Variants in RPS6KC1 observed in about 807,000 individuals in gnomAD.
The protein encoded by RPS6KC1 is inactive ribosomal protein S6 kinase delta-1.
In RPS6KC1, 54 loss-of-function variants were observed where a neutral mutation model predicts 103.8. The ratio of observed to expected loss-of-function variants is 0.52; its 90% CI spans 0.42 to 0.65. The LOEUF (loss-of-function observed/expected upper bound fraction) is 0.65, where lower values mean the gene tolerates loss of function less well. Ranked by LOEUF, RPS6KC1 falls within the 30% of genes least tolerant of loss-of-function variation. RPS6KC1 has a pLI of 0.00. For missense variants in RPS6KC1, 1,151 were observed against 1,253.8 expected (o/e 0.92, Z 1.24); for synonymous variants, 439 against 438.7 (o/e 1.00, Z -0.01).
At chr1:213,714,149 G>A in the RPS6KC1 span, among the ~76,000 whole-genome samples, 1 of 152,080 alleles carries the variant, frequency 6.6e-6, no homozygotes, top group Non-Finnish European at 1.5e-5. Flanking sequence ...TTAATTTCTT[G>A]TGCCTCAATA....
At chr1:213,171,536 G>A (rs1196408306) in intron 7 of RPS6KC1, among the ~76,000 whole-genome samples, 5 of 152,066 alleles carry the variant, frequency 3.3e-5, no homozygotes, top group Admixed American at 1.3e-4. Context: ...TAAAATATTT[G>A]TGTAGTTTCT....
the RPS6KC1 span, among the ~76,000 whole-genome samples, chr1:213,411,360 G>A: frequency 6.6e-6 from 1 of 152,218 alleles, no homozygotes. Flanking sequence ...AAGCCCTTGG[G>A]AGGTGATGTC....
chr1:213,296,028 A>C, the RPS6KC1 span, among the ~76,000 whole-genome samples: 2 of 151,380 alleles, frequency 1.3e-5, no homozygotes, highest in African/African-American at 4.8e-5. Context: ...TTATACCAGT[A>C]AAAAAAATGC....
the RPS6KC1 span, among the ~76,000 whole-genome samples, chr1:213,312,867 C>T: frequency 1.9e-4 from 29 of 152,284 alleles, no homozygotes; most frequent in Admixed American, 5.2e-4. Context: ...ATTTTCAAGT[C>T]GCTGTTTTTA....
chr1:213,229,060 C>T (rs1462613540), intron 8 of RPS6KC1, among the ~76,000 whole-genome samples: 1 of 152,032 alleles, frequency 6.6e-6, no homozygotes, highest in Non-Finnish European at 1.5e-5. Context: ...GGTCTTAGTA[C>T]TATAGGAGGA....
chr1:213,617,489 C>A, the RPS6KC1 span, among the ~76,000 whole-genome samples: 1 of 152,162 alleles, frequency 6.6e-6, no homozygotes, highest in Non-Finnish European at 1.5e-5. Context: ...ATTATGCTAC[C>A]TATGTGCTGC....
intron 12 of RPS6KC1, among the ~76,000 whole-genome samples, chr1:213,248,871 A>T (rs2149001300): frequency 6.6e-6 from 1 of 152,354 alleles, no homozygotes; most frequent in South Asian, 2.1e-4. Flanking sequence ...ACACATTAGC[A>T]CATCCCAAGA....
At chr1:213,620,330 G>A in the RPS6KC1 span, among the ~76,000 whole-genome samples, 1 of 152,244 alleles carries the variant, frequency 6.6e-6, no homozygotes, top group African/African-American at 2.4e-5. Flanking sequence ...AAAGTGGCTT[G>A]ACTCACATAT....
the RPS6KC1 span, among the ~76,000 whole-genome samples, chr1:213,716,915 T>C: frequency 6.6e-6 from 1 of 152,212 alleles, no homozygotes; most frequent in Non-Finnish European, 1.5e-5. Flanking sequence ...AGAAAACCGA[T>C]GCAAACTAGA....
At chr1:213,478,464 C>A in the RPS6KC1 span, among the ~76,000 whole-genome samples, 1 of 152,134 alleles carries the variant, frequency 6.6e-6, no homozygotes, top group Non-Finnish European at 1.5e-5. Flanking sequence ...GCTGACTGTA[C>A]CATTTGCATT....
chr1:213,153,046 T>C (rs1025865596), intron 6 of RPS6KC1, among the ~76,000 whole-genome samples: 2 of 152,238 alleles, frequency 1.3e-5, no homozygotes, highest in Admixed American at 1.3e-4. Context: ...GAGACCGGCC[T>C]GGCCAACACA....
intron 8 of RPS6KC1, among the ~76,000 whole-genome samples, chr1:213,190,788 A>C (rs1167762383): frequency 4.6e-5 from 7 of 152,124 alleles, no homozygotes; most frequent in Non-Finnish European, 1.0e-4. Context: ...TGAGGGATTA[A>C]AGTCTTTAAT....
the RPS6KC1 span, among the ~76,000 whole-genome samples, chr1:213,343,352 C>A: frequency 1.1e-5 from 1 of 91,596 alleles, no homozygotes; most frequent in Non-Finnish European, 2.3e-5. Flanking sequence ...ATAATGAAGG[C>A]TGAAGAGAGG....
At chr1:213,168,696 C>T (rs902647560) in intron 7 of RPS6KC1, among the ~76,000 whole-genome samples, 1 of 152,014 alleles carries the variant, frequency 6.6e-6, no homozygotes, top group Admixed American at 6.6e-5. Flanking sequence ...GATCTAGGCT[C>T]ACTGCAAGCT....
At chr1:213,389,690 C>G in the RPS6KC1 span, among the ~76,000 whole-genome samples, 4 of 152,140 alleles carry the variant, frequency 2.6e-5, no homozygotes, top group Non-Finnish European at 5.9e-5. Context: ...TTCTTTTTAC[C>G]CAGGCCAAGA....
At position 213,077,758 on chromosome 1, in the gene RPS6KC1, CA is replaced by C; in HGVS notation, c.209del (p.Asn70ThrfsTer16). 6.4e-7 allele frequency: 1 copy of C among 1,559,908 alleles called. No individual in the cohort carries two copies. Among genetic ancestry groups the C allele is most frequent in the Non-Finnish European group, 8.7e-7 (1 of 1,143,208 alleles). Reference protein sequence around the residue: ...KLHKELWQIHKNLFRHSELFP... With the variant: ...KLHKELWQIHXNLFRHSELFP... Reference sequence around the variant, plus strand: ...TACACAAAGAACTATGGCAAATTCACAAAAACTTATTCCGACATTCAGAGTT... The same window carrying C: ...TACACAAAGAACTATGGCAAATTCACAAAACTTATTCCGACATTCAGAGTT... On this transcript the variant is annotated frameshift_variant, in exon 3 of 15. Transcript: ENST00000366960. LOFTEE classifies it high-confidence loss of function.
chr1:213,788,384 A>G, the RPS6KC1 span, among the ~76,000 whole-genome samples: 1 of 152,202 alleles, frequency 6.6e-6, no homozygotes, highest in Non-Finnish European at 1.5e-5. Context: ...GCTGCTTGTC[A>G]TCTACTTAGA....
chr1:213,427,882 C>T, the RPS6KC1 span, among the ~76,000 whole-genome samples: 1 of 152,186 alleles, frequency 6.6e-6, no homozygotes, highest in Non-Finnish European at 1.5e-5. Flanking sequence ...CTTACTCTTC[C>T]CTGAAAGTCT....
chr1:213,365,039 A>G, the RPS6KC1 span, among the ~76,000 whole-genome samples: 1 of 152,188 alleles, frequency 6.6e-6, no homozygotes, highest in Admixed American at 6.5e-5. Flanking sequence ...ATCTGTTTCC[A>G]TATTCTTGAG....
Sources: gnomAD v4.1 joint callset for allele counts (sites outside exome capture counted in the v4.1 genomes callset) on GRCh38, gnomAD v4.1.1 for gene constraint, MANE v1.5 for transcripts, NCBI Gene and HGNC (gene_info 2026-07-23, HGNC 2026-07-21) for gene names.